The following CUX1 variants were observed in gnomAD, a reference collection of about 807,000 sequenced individuals.
CUX1 encodes the protein cut like homeobox 1, also known as protein CASP.
Under a neutral mutation model 158.8 loss-of-function variants are expected in CUX1, and 31 were observed. The observed-to-expected ratio is 0.20, with a 90% CI of 0.15 to 0.26. The LOEUF (loss-of-function observed/expected upper bound fraction) is 0.26, where lower values mean the gene tolerates loss of function less well. CUX1 is among the 10% of genes least tolerant of loss of function. CUX1 has a pLI of 1.00. For synonymous variants in CUX1, 879 were observed against 862.1 expected, an observed-to-expected ratio of 1.02 and a Z score of -0.34; for missense variants, 1,589 against 2,014.6, an observed-to-expected ratio of 0.79 and a Z score of 4.04.
At chr7:102,235,545 T>C (rs954014309) in intron 22 of CUX1, among the ~76,000 whole-genome samples, 3 of 151,406 alleles carry the variant, frequency 2.0e-5, no homozygotes, top group Admixed American at 2.0e-4. Flanking sequence ...TACTGAAAAA[T>C]ACAAAAATCA....
chr7:102,171,399 G>A (rs1791700102), intron 10 of CUX1, among the ~76,000 whole-genome samples: 1 of 151,164 alleles, frequency 6.6e-6, no homozygotes, highest in Non-Finnish European at 1.5e-5. Context: ...AGTAATTCTA[G>A]TTGTAGTTGG....
intron 9 of CUX1, among the ~76,000 whole-genome samples, chr7:102,163,016 C>T (rs1790620444): frequency 6.6e-6 from 1 of 152,064 alleles, no homozygotes; most frequent in African/African-American, 2.4e-5. Flanking sequence ...CCCTTTTGAC[C>T]CTGAAGTCTA....
At chr7:101,978,810 A>C (rs964825160) in intron 2 of CUX1, among the ~76,000 whole-genome samples, 46 of 151,992 alleles carry the variant, frequency 3.0e-4, no homozygotes, top group Non-Finnish European at 6.5e-4. Context: ...TCTTCCTGTC[A>C]CACATTGCCT....
intron 1 of CUX1, among the ~76,000 whole-genome samples, chr7:101,825,739 T>C (rs1249361839): frequency 6.7e-6 from 1 of 148,390 alleles, no homozygotes; most frequent in Non-Finnish European, 1.5e-5. Context: ...AACGCCCTGA[T>C]ACCTTAATGA....
chr7:101,915,122 G>A (rs1003763607), intron 1 of CUX1, among the ~76,000 whole-genome samples: 23 of 152,162 alleles, frequency 1.5e-4, no homozygotes, highest in African/African-American at 5.6e-4. Context: ...CAGCAGAACG[G>A]GCCGCTGTGT....
At chr7:101,838,272 G>T (rs1256192624) in intron 1 of CUX1, among the ~76,000 whole-genome samples, 2 of 151,684 alleles carry the variant, frequency 1.3e-5, no homozygotes, top group Middle Eastern at 3.2e-3. Context: ...TGGGACTACA[G>T]GCGCCTGCCA....
intron 15 of CUX1, among the ~76,000 whole-genome samples, chr7:102,198,033 C>T (rs565814278): frequency 2.9e-4 from 44 of 152,132 alleles, no homozygotes; most frequent in African/African-American, 7.7e-4. Flanking sequence ...GTGGATGGAT[C>T]GCTTGAGTCC....
intron 8 of CUX1, among the ~76,000 whole-genome samples, chr7:102,142,240 C>T (rs782697721): frequency 3.9e-5 from 6 of 152,082 alleles, no homozygotes; most frequent in Non-Finnish European, 7.4e-5. Flanking sequence ...TCTTGGGCAG[C>T]GTCTGTTGGA....
chr7:101,817,702 T>C lies in CUX1; in HGVS notation c.30+33T>C. 1.3e-6 allele frequency: 2 copies of C among 1,548,872 alleles called. No homozygotes were observed. The highest frequency in any genetic ancestry group is 2.4e-5 in the East Asian group (1 of 40,836). The stretch of plus-strand genomic sequence containing the variant: ...GCGTGTGGGCCAGAAGTCCCGAGGT[T>C]GCAGGCGCGGAGGGAACCGGGGATG... On this transcript the variant is annotated intron_variant, in intron 1 of 23. Transcript: ENST00000292535. This position sits in a 1 kb window ranked among gnomAD's most constrained non-coding sequence, Gnocchi z 4.1.
intron 4 of CUX1, among the ~76,000 whole-genome samples, chr7:102,080,483 G>T (rs529726382): frequency 3.2e-4 from 49 of 152,304 alleles, no homozygotes; most frequent in African/African-American, 1.1e-3. Flanking sequence ...GCATTGTGAT[G>T]TCATCGCGGG....
In CUX1 at chr7:102,257,914, T is replaced by G. The variant is rs1380973665; in HGVS notation, c.*8872T>G. ...AAAAGTCGTCTTTTTTTTTTTTTTT[T>G]GTACAAATCGCTTTGAGATGCCTCT... On this transcript the variant is annotated 3_prime_UTR_variant, in exon 24 of 24. Transcript: ENST00000292535. 5 of 981,248 alleles carry G rather than the reference T, an allele frequency of 5.1e-6. No homozygotes were observed. The highest frequency in any genetic ancestry group is 1.1e-4 in the East Asian group (1 of 8,804). 60.8% of individuals were successfully genotyped at this position (981,248 alleles called of 1,614,324 possible).
At chr7:102,261,775 G>C (rs1790419491), downstream of CUX1, among the ~76,000 whole-genome samples, 2 of 152,032 alleles carry the variant, frequency 1.3e-5, no homozygotes, top group African/African-American at 4.8e-5. Context: ...GAATAAATGA[G>C]TTTAACTTCC....
intron 13 of CUX1, among the ~76,000 whole-genome samples, chr7:102,195,250 T>A (rs1175386269): frequency 7.8e-6 from 1 of 128,958 alleles, no homozygotes; most frequent in Non-Finnish European, 1.7e-5. Flanking sequence ...AGAGAATAAT[T>A]AATTTTTTTA....
chr7:101,973,818 G>A (rs1246184820), intron 2 of CUX1, among the ~76,000 whole-genome samples: 1 of 150,372 alleles, frequency 6.7e-6, no homozygotes, highest in Non-Finnish European at 1.5e-5. Context: ...GCCTGGGCTG[G>A]AGTGCAGTGT....
chr7:102,275,656 C>A (rs1338972332), intron 17 of CUX1, among the ~76,000 whole-genome samples: 4 of 152,112 alleles, frequency 2.6e-5, no homozygotes, highest in African/African-American at 9.7e-5. Context: ...GGAGGCGTGG[C>A]CTTCAATCTG....
At chr7:102,124,109 A>G (rs113774902) in intron 8 of CUX1, among the ~76,000 whole-genome samples, 5 of 152,274 alleles carry the variant, frequency 3.3e-5, no homozygotes, top group Admixed American at 2.0e-4. Context: ...TGTTAAGGTA[A>G]GCCTAGGGAT....
At chr7:102,131,283 A>G (rs1390553900) in intron 8 of CUX1, among the ~76,000 whole-genome samples, 2 of 152,118 alleles carry the variant, frequency 1.3e-5, no homozygotes, top group African/African-American at 4.8e-5. Flanking sequence ...TTTTATGCAG[A>G]TGGTTGATTG....
rs778788866 is a variant in CUX1, at chr7:102,016,641, T to C, written c.142-11457T>C. 2.6e-5 allele frequency among the ~76,000 whole-genome samples: 4 copies of C among 152,332 alleles called. No individual in the cohort carries two copies. In the South Asian group the frequency reaches 8.3e-4, roughly 32 times the overall value. ...AAAGAATTATACTGAGTACCTAATA[T>C]GCAATTGCATTGCTTTAGTAGAATT... is the stretch of plus-strand genomic sequence containing the variant. On this transcript the variant is annotated intron_variant, in intron 2 of 23. Transcript: ENST00000292535.
chr7:102,186,595 A>ATTTT (rs781912833), intron 11 of CUX1, among the ~76,000 whole-genome samples: 6 of 128,556 alleles, frequency 4.7e-5, no homozygotes, highest in South Asian at 2.4e-4. Context: ...ATATATATAT[A>ATTTT]TTTTTTTTTA....
Sources: gnomAD v4.1 joint callset for allele counts (sites outside exome capture counted in the v4.1 genomes callset) on GRCh38, gnomAD v4.1.1 for gene constraint, Gnocchi (gnomAD v3.1) non-coding constraint, MANE v1.5 for transcripts, NCBI Gene and HGNC (gene_info 2026-07-23, HGNC 2026-07-21) for gene names.